CAMK2D: variants seen among roughly 807,000 people sequenced by gnomAD.
CAMK2D encodes the protein calcium/calmodulin-dependent protein kinase type II subunit delta.
In CAMK2D, 37 loss-of-function variants were observed where a neutral mutation model predicts 84.0. The ratio of observed to expected loss-of-function variants is 0.44; its 90% confidence interval spans 0.34 to 0.58. The LOEUF is 0.58. Among genes scored for constraint, CAMK2D ranks in the 20% least tolerant of loss-of-function variants. The pLI, the probability that CAMK2D is intolerant of heterozygous loss-of-function variation, is 0.02. For synonymous variants in CAMK2D, 202 were observed against 212.5 expected (o/e 0.95, Z 0.43); for missense variants, 448 against 652.5 (o/e 0.69, Z 3.41).
intron 17 of CAMK2D, among the ~76,000 whole-genome samples, chr4:113,464,441 G>A (rs773566075): frequency 3.9e-5 from 6 of 151,956 alleles, no homozygotes; most frequent in Middle Eastern, 3.4e-3. Context: ...ATCTATTTAG[G>A]TATAATCATA....
chr4:113,713,498 TAAC>T (rs1191710523), intron 2 of CAMK2D, among the ~76,000 whole-genome samples: 3 of 148,264 alleles, frequency 2.0e-5, no homozygotes, highest in Admixed American at 6.8e-5. Flanking sequence ...TATAATATGA[TAAC>T]AATATTATAT....
rs561360799 is a variant in CAMK2D, at chr4:113,739,122, C to T, written c.160+20198G>A. ...TCAGGCAGATCAAGAAAATACAATG[C>T]TGCAAAAGAACTGAAATTCAACATT... On this transcript the variant is annotated intron_variant, in intron 2 of 20. Coordinates refer to ENST00000511664, the MANE Select transcript of CAMK2D (RefSeq NM_001321571.2). Among the ~76,000 whole-genome samples, 8 of 152,208 alleles carry T rather than the reference C, an allele frequency of 5.3e-5. No homozygotes were observed. The South Asian group carries it at 1.7e-3, about 32-fold the overall frequency.
At position 113,548,596 on chromosome 4, in the gene CAMK2D, C is replaced by T. The variant is rs1042035799; in HGVS notation, c.342-880G>A. ...CCATTTTAAATACCCACCCTCTGCC[C>T]TTTCCCCAGAAAAAAAAATAAAACT... On this transcript the variant is annotated intron_variant, in intron 5 of 20. Transcript: ENST00000511664. 3.6e-6 allele frequency: 3 copies of T among 828,856 alleles called. No individual in the cohort carries two copies. The Admixed American group carries it at 6.4e-5, about 18-fold the overall frequency. The allele number at this position is 828,856 out of a possible 1,614,324, so 51.3% of individuals were successfully genotyped here.
At chr4:113,461,414 G>T (rs953218259) in intron 17 of CAMK2D, among the ~76,000 whole-genome samples, 1 of 152,182 alleles carries the variant, frequency 6.6e-6, no homozygotes, top group African/African-American at 2.4e-5. Context: ...TGAAGAATGA[G>T]TAAGAGTTTT....
chr4:113,558,417 T>C (rs1223138681), intron 4 of CAMK2D, among the ~76,000 whole-genome samples: 1 of 152,262 alleles, frequency 6.6e-6, no homozygotes, highest in Non-Finnish European at 1.5e-5. Context: ...CATTAAATTA[T>C]ATATGCAGTT....
intron 8 of CAMK2D, among the ~76,000 whole-genome samples, chr4:113,528,728 A>T (rs945553086): frequency 2.0e-5 from 3 of 152,188 alleles, no homozygotes; most frequent in African/African-American, 7.2e-5. Flanking sequence ...ATATGATTGT[A>T]TCCTTCACAA....
intron 8 of CAMK2D, among the ~76,000 whole-genome samples, chr4:113,523,920 G>C (rs527408640): frequency 6.6e-6 from 1 of 151,978 alleles, no homozygotes; most frequent in Non-Finnish European, 1.5e-5. Flanking sequence ...CTGAAGTGCA[G>C]TGGCATGAAC....
Position 113,622,413 on chromosome 4 carries a change from T to G in CAMK2D, c.221-13207A>C, listed in dbSNP as rs77899841. Among the ~76,000 whole-genome samples, 1,513 of 152,252 alleles carry G rather than the reference T, an allele frequency of 9.9e-3. 34 individuals carry two copies. The highest frequency in any genetic ancestry group is 0.035 in the African/African-American group (1,457 of 41,556). ...CAAGGCCCTACCTCTTCAAATTCCT[T>G]CACATTCTCCCTCACTGTTTCCCCT... On this transcript the variant is annotated intron_variant, in intron 3 of 20. Coordinates refer to ENST00000511664, the MANE Select transcript of CAMK2D (RefSeq NM_001321571.2).
intron 2 of CAMK2D, among the ~76,000 whole-genome samples, chr4:113,713,621 A>G (rs1183806499): frequency 3.3e-5 from 5 of 150,462 alleles, no homozygotes; most frequent in African/African-American, 4.9e-5. Flanking sequence ...CTTTTTGTCA[A>G]CCTGCATTTT....
chr4:113,600,365 G>A (rs2154259294), intron 4 of CAMK2D, among the ~76,000 whole-genome samples: 1 of 152,106 alleles, frequency 6.6e-6, no homozygotes, highest in East Asian at 1.9e-4. Flanking sequence ...AATGTTGTAT[G>A]GGGATTTTGA....
intron 4 of CAMK2D, among the ~76,000 whole-genome samples, chr4:113,601,189 T>A (rs186103980): frequency 6.6e-6 from 1 of 152,276 alleles, no homozygotes; most frequent in African/African-American, 2.4e-5. Context: ...GGAAACATGA[T>A]ACGTGGGTAG....
At chr4:113,663,980 G>T (rs2099247750) in intron 2 of CAMK2D, among the ~76,000 whole-genome samples, 1 of 152,120 alleles carries the variant, frequency 6.6e-6, no homozygotes, top group Non-Finnish European at 1.5e-5. Context: ...GGTCATTATT[G>T]TGGGCTCTAA....
At chr4:113,588,766 G>T (rs1024259550) in intron 4 of CAMK2D, among the ~76,000 whole-genome samples, 1 of 152,056 alleles carries the variant, frequency 6.6e-6, no homozygotes, top group Non-Finnish European at 1.5e-5. Flanking sequence ...CTAGACACTG[G>T]GGATAATAGT....
Position 113,761,397 on chromosome 4 carries a change from G to A in CAMK2D, c.-329C>T. ...GGGGGTAAAGTACTCAAGAAGAGGGGGCCGGGAAATGGAAAAACAGCCAGG... is the reference window on the plus strand; with the variant it reads ...GGGGGTAAAGTACTCAAGAAGAGGGAGCCGGGAAATGGAAAAACAGCCAGG... On this transcript the variant is annotated 5_prime_UTR_variant, in exon 1 of 21. Coordinates refer to ENST00000511664, the MANE Select transcript of CAMK2D (RefSeq NM_001321571.2). 2.4e-6 allele frequency: 3 copies of A among 1,254,294 alleles called. No homozygotes were observed. The South Asian group carries it at 5.4e-5, about 23-fold the overall frequency. The allele number at this position is 1,254,294 out of a possible 1,614,324, so 77.7% of individuals were successfully genotyped here. A position where few individuals can be genotyped will look rare whatever the true frequency, so the allele number is the denominator to read the frequency against.
At chr4:113,557,835 T>C (rs926123958) in intron 4 of CAMK2D, among the ~76,000 whole-genome samples, 2 of 152,200 alleles carry the variant, frequency 1.3e-5, no homozygotes, top group Non-Finnish European at 2.9e-5. Context: ...AATAATGCAC[T>C]CAACTCTTTG....
chr4:113,717,160 A>C (rs1392017123), intron 2 of CAMK2D, among the ~76,000 whole-genome samples: 1 of 152,200 alleles, frequency 6.6e-6, no homozygotes, highest in Non-Finnish European at 1.5e-5. Context: ...ATCATCACAA[A>C]TTAAGAGGGA....
At chr4:113,519,598 T>TGTAA (rs148221582) in intron 8 of CAMK2D, among the ~76,000 whole-genome samples, 5,088 of 152,290 alleles carry the variant, frequency 0.033, 223 homozygotes, top group African/African-American at 0.11. Flanking sequence ...AACACCGTTT[T>TGTAA]GTAAGTTTAC....
chr4:113,490,622 G>A (rs904764547), intron 16 of CAMK2D, among the ~76,000 whole-genome samples: 1 of 151,630 alleles, frequency 6.6e-6, no homozygotes, highest in African/African-American at 2.4e-5. Context: ...ACTTGGCGAT[G>A]CGGGCTCTGT....
At chr4:113,756,025 T>C (rs1416961193) in intron 2 of CAMK2D, among the ~76,000 whole-genome samples, 1 of 151,984 alleles carries the variant, frequency 6.6e-6, no homozygotes, top group Non-Finnish European at 1.5e-5. Flanking sequence ...AGTGTACCCA[T>C]CTACATGCTC....
Sources: gnomAD v4.1 joint callset for allele counts (sites outside exome capture counted in the v4.1 genomes callset) on GRCh38, gnomAD v4.1.1 for gene constraint, MANE v1.5 for transcripts, NCBI Gene and HGNC (gene_info 2026-07-23, HGNC 2026-07-21) for gene names.